The following TNRC18 variants were observed in gnomAD, a reference collection of about 807,000 sequenced individuals.
TNRC18 encodes the protein trinucleotide repeat containing 18.
TNRC18 carries 69 observed loss-of-function variants against 226.7 expected under a neutral mutation model. That is an observed-to-expected ratio of 0.30 (90% confidence interval 0.25 to 0.37). The LOEUF is 0.37. Ranked by LOEUF, TNRC18 falls within the 10% of genes least tolerant of loss-of-function variation. The pLI is 1.00. For synonymous variants in TNRC18, 2,449 were observed against 1,927.6 expected (o/e 1.27, Z -7.09); for missense variants, 4,754 against 4,256.6 (o/e 1.12, Z -3.25).
intron 2 of TNRC18, among the ~76,000 whole-genome samples, chr7:5,405,472 G>C (rs1265943500): frequency 6.6e-6 from 1 of 152,150 alleles, no homozygotes; most frequent in Non-Finnish European, 1.5e-5. Flanking sequence ...AGGAGGCTAA[G>C]GCAGGAGAAT....
At chr7:5,385,886 G>C (rs148810654) in intron 5 of TNRC18, among the ~76,000 whole-genome samples, 3,247 of 150,376 alleles carry the variant, frequency 0.022, 132 homozygotes, top group African/African-American at 0.075. Flanking sequence ...AGAAGACTGA[G>C]GCATGAGAAT....
intron 27 of TNRC18, among the ~76,000 whole-genome samples, chr7:5,310,202 CTTT>C (rs960834253): frequency 6.6e-6 from 1 of 151,030 alleles, no homozygotes; most frequent in East Asian, 1.9e-4. Context: ...CACACCTGGC[CTTT>C]TTTATCTTTT....
At position 5,388,473 on chromosome 7, in the gene TNRC18, G is replaced by A; in HGVS notation, c.1351C>T (p.Arg451Cys). Residue 451 changes from arginine to cysteine, a missense_variant, in exon 5 of 30, where the codon CGC becomes TGC. Coordinates refer to ENST00000430969, the MANE Select transcript of TNRC18 (RefSeq NM_001080495.3). Reference sequence around the variant, plus strand: ...TAGGCGCGGGGGTCCGGGGAGGCGCGTGTGGCCCGCACCGTGGGGGCATCC... The same window carrying A: ...TAGGCGCGGGGGTCCGGGGAGGCGCATGTGGCCCGCACCGTGGGGGCATCC... ...PADAPTVRAT[R>C]ASPDPRAYVP... is the part of the protein sequence containing the mutation. 2.8e-6 allele frequency: 4 copies of A among 1,418,776 alleles called. No homozygotes were observed. The highest frequency in any genetic ancestry group is 2.7e-6 in the Non-Finnish European group (3 of 1,098,162). 87.9% of individuals were successfully genotyped at this position (1,418,776 alleles called of 1,614,324 possible). A position where few individuals can be genotyped will look rare whatever the true frequency, so the allele number is the denominator to read the frequency against.
At chr7:5,378,148 G>C in intron 5 of TNRC18, 124 bp from the exon 6 acceptor site, 1 of 675,256 alleles carries the variant, frequency 1.5e-6, no homozygotes, top group Non-Finnish European at 2.5e-6. Context: ...ACAGCCATCC[G>C]TGTAGTGCCT....
At position 5,307,523 on chromosome 7, in the gene TNRC18, G is replaced by T; in HGVS notation, c.*583C>A. On this transcript the variant is annotated 3_prime_UTR_variant, in exon 30 of 30. Transcript: ENST00000430969. ...CTGGTGCCTTTGACAGACACTCCGG[G>T]CTGCAACCCCACCCGGCTCTGTTCC... 2.2e-6 allele frequency: 1 copy of T among 448,136 alleles called. No individual in the cohort carries two copies. Among genetic ancestry groups the T allele is most frequent in the South Asian group, 1.6e-5 (1 of 63,084 alleles). 27.8% of individuals were successfully genotyped at this position (448,136 alleles called of 1,614,324 possible).
intron 27 of TNRC18, among the ~76,000 whole-genome samples, chr7:5,311,046 G>C (rs574806676): frequency 6.6e-6 from 1 of 152,274 alleles, no homozygotes; most frequent in Non-Finnish European, 1.5e-5. Context: ...GTGTGCATTT[G>C]TGTGGGTGTA....
intron 5 of TNRC18, among the ~76,000 whole-genome samples, chr7:5,380,882 G>A (rs1779350286): frequency 2.0e-5 from 3 of 152,186 alleles, no homozygotes. Flanking sequence ...GAATCCCAGA[G>A]GCTCAGCCAC....
At chr7:5,334,758 C>T (rs935922706) in intron 18 of TNRC18, among the ~76,000 whole-genome samples, 3 of 152,024 alleles carry the variant, frequency 2.0e-5, no homozygotes, top group East Asian at 1.9e-4. Context: ...ACCTGGCGTA[C>T]GTAATCCTTC....
At chr7:5,374,532 TC>T in intron 9 of TNRC18, 48 bp from the exon 10 acceptor site, 2 of 1,509,040 alleles carry the variant, frequency 1.3e-6, no homozygotes, top group Non-Finnish European at 1.8e-6. Flanking sequence ...AGTTTCCCCC[TC>T]CCCGACGCCC....
intron 9 of TNRC18, 43 bp downstream of exon 9, chr7:5,375,991 G>T: frequency 6.5e-7 from 1 of 1,543,386 alleles, no homozygotes; most frequent in Non-Finnish European, 8.7e-7. Context: ...CGTCACCCAT[G>T]GGGGCCCCCA....
intron 16 of TNRC18, among the ~76,000 whole-genome samples, chr7:5,352,310 T>C (rs1583876924): frequency 3.3e-5 from 5 of 152,162 alleles, no homozygotes; most frequent in Admixed American, 3.3e-4. Context: ...GGTCATTGCA[T>C]GGCATCTTCC....
intron 15 of TNRC18, among the ~76,000 whole-genome samples, chr7:5,357,877 C>T (rs1792612923): frequency 6.6e-6 from 1 of 152,090 alleles, no homozygotes; most frequent in Non-Finnish European, 1.5e-5. Flanking sequence ...ATGCAGTGAC[C>T]ACAACGTCTG....
rs775503088 is a variant in TNRC18, at chr7:5,332,980, A to T, written c.5789T>A (p.Leu1930Gln). The T allele has an allele frequency of 6.4e-6, 10 of 1,569,492 alleles. No homozygotes were observed. The highest frequency in any genetic ancestry group is 1.7e-4 in the Middle Eastern group (1 of 5,974). The change falls in exon 19 of 30, where the codon CTG becomes CAG. Residue 1930 changes from leucine to glutamine, a missense_variant. Coordinates refer to ENST00000430969, the MANE Select transcript of TNRC18 (RefSeq NM_001080495.3). ...CTCCCCCAGCCCCTTCTTGGGCCGC[A>T]GCAGCCCCGCAGGCGACCGCTTGCG... is the stretch of plus-strand genomic sequence containing the variant. ...KVRKRSPAGLLRPKKGLGEPG... is the reference protein window; with the variant it reads ...KVRKRSPAGLQRPKKGLGEPG...
At chr7:5,361,519 A>C in intron 14 of TNRC18, 75 bp downstream of exon 14, 1 of 1,414,046 alleles carries the variant, frequency 7.1e-7, no homozygotes, top group South Asian at 1.5e-5. Context: ...ACCCCGAGGC[A>C]GGCCCTGCGT....
intron 11 of TNRC18, among the ~76,000 whole-genome samples, chr7:5,368,648 G>A (rs566890780): frequency 7.2e-5 from 7 of 96,918 alleles, no homozygotes; most frequent in Admixed American, 5.4e-4. Context: ...CTGGGTGACA[G>A]AGTGAGACTC....
chr7:5,361,611 G>A lies in TNRC18; in HGVS notation c.4644C>T (p.Ser1548=), dbSNP rs754588877. Residue 1548 remains serine (S), a synonymous_variant, in exon 14 of 30, where the codon AGC becomes AGT. Transcript: ENST00000430969. ...AGCCTTACTTTCCGCTACTGTGGCC[G>A]CTCTTCCCTCTCTTGCGGGGGGGCG... ...ALSPPRKRGK[S]GHSSGKLSSK... 19 of 1,538,440 alleles carry A rather than the reference G, an allele frequency of 1.2e-5. No individual in the cohort carries two copies. Among genetic ancestry groups the A allele is most frequent in the African/African-American group, 4.2e-5 (3 of 71,274 alleles).
chr7:5,420,394 GC>G (rs1417224235), intron 2 of TNRC18: 2 of 456,022 alleles, frequency 4.4e-6, no homozygotes, highest in Non-Finnish European at 4.4e-6. Context: ...ACCCTCTTTC[GC>G]GCTGGAAAAC....
At chr7:5,362,510 T>C in intron 12 of TNRC18, 140 bp downstream of exon 12, 4 of 783,504 alleles carry the variant, frequency 5.1e-6, no homozygotes, top group African/African-American at 1.8e-5. Context: ...ACACAGCACA[T>C]CAGCACAAGG....
chr7:5,402,466 C>T (rs909114759), intron 2 of TNRC18, among the ~76,000 whole-genome samples: 3 of 151,708 alleles, frequency 2.0e-5, no homozygotes, highest in African/African-American at 7.3e-5. Flanking sequence ...GCCCAGGAGG[C>T]GGAGGTCGCA....
Sources: allele counts gnomAD v4.1 joint callset (sites outside exome capture counted in the v4.1 genomes callset), GRCh38; gene constraint gnomAD v4.1.1; transcripts MANE v1.5; gene names NCBI Gene and HGNC (gene_info 2026-07-23, HGNC 2026-07-21).